Variants in TPRG1 observed in about 807,000 individuals in gnomAD.
TPRG1 encodes the protein tumor protein p63-regulated gene 1 protein.
A neutral mutation model predicts 29.3 loss-of-function variants in TPRG1; 29 were observed. The ratio of observed to expected loss-of-function variants is 0.99; its 90% CI spans 0.74 to 1.35. The LOEUF is 1.35. Ranked by LOEUF, TPRG1 falls within the 40% of genes most tolerant of loss-of-function variation. TPRG1 has a pLI of 0.00. For synonymous variants in TPRG1, 130 were observed against 116.8 expected (o/e 1.11, Z -0.73); for missense variants, 327 against 335.0 (o/e 0.98, Z 0.19).
chr3:189,254,837 G>A (rs567586218), intron 4 of TPRG1, among the ~76,000 whole-genome samples: 7 of 152,214 alleles, frequency 4.6e-5, no homozygotes, highest in South Asian at 4.1e-4. Context: ...TATTATTGGC[G>A]TATAGGAATG....
intron 3 of TPRG1, among the ~76,000 whole-genome samples, chr3:189,022,254 G>C (rs1001066950): frequency 4.0e-5 from 6 of 151,478 alleles, no homozygotes; most frequent in East Asian, 1.9e-4. Flanking sequence ...TCTCCTTCCA[G>C]CTTTGTTCCG....
chr3:189,071,109 T>C (rs546541124), intron 4 of TPRG1, among the ~76,000 whole-genome samples: 2 of 147,054 alleles, frequency 1.4e-5, no homozygotes, highest in Admixed American at 1.4e-4. Flanking sequence ...AACAGCTCAG[T>C]GAAGGTCCCC....
intron 4 of TPRG1, among the ~76,000 whole-genome samples, chr3:189,262,378 G>A (rs542220022): frequency 6.6e-6 from 1 of 152,182 alleles, no homozygotes; most frequent in East Asian, 1.9e-4. Flanking sequence ...TGCACTTCAT[G>A]CTCATTACTG....
chr3:189,231,065 TCTTA>T (rs1738563448), intron 3 of TPRG1, among the ~76,000 whole-genome samples: 1 of 152,166 alleles, frequency 6.6e-6, no homozygotes, highest in Non-Finnish European at 1.5e-5. Flanking sequence ...TTTTCCAGGT[TCTTA>T]CTTATAAGGT....
intron 1 of TPRG1, among the ~76,000 whole-genome samples, chr3:189,106,700 C>T (rs936357470): frequency 2.6e-5 from 4 of 152,086 alleles, no homozygotes; most frequent in African/African-American, 7.2e-5. Context: ...AAATGATTGT[C>T]ACACACTGTT....
At chr3:189,064,592 C>T (rs1261738382) in intron 4 of TPRG1, among the ~76,000 whole-genome samples, 2 of 151,998 alleles carry the variant, frequency 1.3e-5, no homozygotes, top group African/African-American at 4.8e-5. Context: ...AAAGCAAAAG[C>T]TGATTCTTCA....
intron 5 of TPRG1, among the ~76,000 whole-genome samples, chr3:189,153,152 C>G (rs1048461729): frequency 1.2e-4 from 18 of 152,130 alleles, no homozygotes; most frequent in African/African-American, 4.1e-4. Flanking sequence ...TTGCCATCGC[C>G]AGGCTTTTAC....
At chr3:189,174,974 A>T (rs1729286915) in intron 1 of TPRG1, among the ~76,000 whole-genome samples, 1 of 152,164 alleles carries the variant, frequency 6.6e-6, no homozygotes, top group Non-Finnish European at 1.5e-5. Context: ...TAGCTTAATG[A>T]TATGTTTTCT....
chr3:189,188,334 C>T (rs1578730525), intron 1 of TPRG1, among the ~76,000 whole-genome samples: 1 of 152,168 alleles, frequency 6.6e-6, no homozygotes, highest in Non-Finnish European at 1.5e-5. Context: ...ACTTCTAGCC[C>T]ATTTGGCACA....
chr3:189,129,213 A>T (rs1204425798), intron 2 of TPRG1, among the ~76,000 whole-genome samples: 1 of 152,130 alleles, frequency 6.6e-6, no homozygotes, highest in African/African-American at 2.4e-5. Flanking sequence ...CATCTGTGAC[A>T]GTTTCTCACA....
chr3:189,234,017 C>T (rs1471981538), intron 3 of TPRG1, among the ~76,000 whole-genome samples: 2 of 152,070 alleles, frequency 1.3e-5, no homozygotes, highest in South Asian at 2.1e-4. Context: ...ACTATAGCCG[C>T]GGACCAACAC....
chr3:189,010,952 G>C (rs1016811710), intron 3 of TPRG1, among the ~76,000 whole-genome samples: 2 of 152,124 alleles, frequency 1.3e-5, no homozygotes, highest in African/African-American at 2.4e-5. Context: ...ATGGTGTAAG[G>C]AAGGGGTCCA....
At chr3:189,231,254 CA>C (rs1738589742) in intron 3 of TPRG1, among the ~76,000 whole-genome samples, 1 of 123,288 alleles carries the variant, frequency 8.1e-6, no homozygotes, top group African/African-American at 3.3e-5. Context: ...CTCATACAAA[CA>C]CCTATAAAAC....
At chr3:189,108,646 T>C (rs1720109790) in intron 1 of TPRG1, among the ~76,000 whole-genome samples, 1 of 152,044 alleles carries the variant, frequency 6.6e-6, no homozygotes, top group African/African-American at 2.4e-5. Context: ...TTATTCCATA[T>C]ACTAAAAATT....
At chr3:189,219,854 C>T in intron 3 of TPRG1, 2 of 765,238 alleles carry the variant, frequency 2.6e-6, no homozygotes, top group Non-Finnish European at 1.6e-6. Flanking sequence ...ATAAAAGATA[C>T]TTAAAATATG....
At chr3:189,050,722 AG>A (rs1715264813) in intron 4 of TPRG1, among the ~76,000 whole-genome samples, 1 of 152,226 alleles carries the variant, frequency 6.6e-6, no homozygotes, top group South Asian at 2.1e-4. Context: ...CATATCAAAA[AG>A]GTAATCCACC....
chr3:189,269,992 G>A (rs549952034), intron 4 of TPRG1, among the ~76,000 whole-genome samples: 22 of 151,892 alleles, frequency 1.4e-4, no homozygotes, highest in African/African-American at 5.1e-4. Flanking sequence ...GCTCCCTGAC[G>A]TTGGCTATCT....
chr3:189,183,532 G>T (rs1373990550), intron 1 of TPRG1, among the ~76,000 whole-genome samples: 5 of 152,062 alleles, frequency 3.3e-5, no homozygotes, highest in Non-Finnish European at 7.4e-5. Flanking sequence ...GGAGACTGGG[G>T]TTTCTTTCAC....
intron 4 of TPRG1, among the ~76,000 whole-genome samples, chr3:189,301,769 CT>C: frequency 6.6e-6 from 1 of 152,186 alleles, no homozygotes; most frequent in East Asian, 1.9e-4. Flanking sequence ...CACACTATGC[CT>C]CTTCGTTCTC....
Sources: allele counts gnomAD v4.1 joint callset (sites outside exome capture counted in the v4.1 genomes callset), GRCh38; gene constraint gnomAD v4.1.1; transcripts MANE v1.5; gene names NCBI Gene and HGNC (gene_info 2026-07-23, HGNC 2026-07-21).